The following PHC2 variants were observed in gnomAD, a reference collection of about 807,000 sequenced individuals.
PHC2 encodes polyhomeotic homolog 2.
A neutral mutation model predicts 87.4 loss-of-function variants in PHC2; 29 were observed. The ratio of observed to expected loss-of-function variants is 0.33; its 90% CI spans 0.25 to 0.45. The LOEUF (loss-of-function observed/expected upper bound fraction) is 0.45. PHC2 is among the 20% of genes least tolerant of loss of function. The pLI, the probability that PHC2 is intolerant of heterozygous loss-of-function variation, is 1.00. For missense variants in PHC2, 857 were observed against 1,136.7 expected (o/e 0.75, Z 3.54); for synonymous variants, 438 against 461.7 (o/e 0.95, Z 0.66).
At chr1:33,383,541 G>A (rs1181640623) in intron 1 of PHC2, among the ~76,000 whole-genome samples, 1 of 152,160 alleles carries the variant, frequency 6.6e-6, no homozygotes, top group Non-Finnish European at 1.5e-5. Flanking sequence ...CTATAACAAG[G>A]TGGTGCTGGT....
chr1:33,327,942 T>TG (rs1646405985), intron 14 of PHC2, among the ~76,000 whole-genome samples: 1 of 152,190 alleles, frequency 6.6e-6, no homozygotes, highest in South Asian at 2.1e-4. Flanking sequence ...CCACAGCAAC[T>TG]GTGTAATAAA....
chr1:33,360,597 C>T (rs1243932921), intron 7 of PHC2, among the ~76,000 whole-genome samples: 1 of 152,224 alleles, frequency 6.6e-6, no homozygotes, highest in Non-Finnish European at 1.5e-5. Context: ...AGATTCACTG[C>T]CTTTGCTCAA....
chr1:33,349,837 G>C lies in PHC2; in HGVS notation c.1558+4564C>G. On this transcript the variant is annotated intron_variant, in intron 9 of 14. Transcript: ENST00000683057. The surrounding 1 kb of genome is among the most constrained non-coding windows in gnomAD (Gnocchi z 4.2). ...GGCCGGGGCGGGAGCGCGGGCGGCGGCCGGGGTTGCGCGCGCGCGCGCGGC... is the reference window on the plus strand; with the variant it reads ...GGCCGGGGCGGGAGCGCGGGCGGCGCCCGGGGTTGCGCGCGCGCGCGCGGC... 1.0e-6 allele frequency: 1 copy of C among 976,248 alleles called. No homozygotes were observed. Among genetic ancestry groups the C allele is most frequent in the Non-Finnish European group, 1.2e-6 (1 of 824,706 alleles). 60.5% of individuals were successfully genotyped at this position (976,248 alleles called of 1,614,324 possible).
At chr1:33,408,338 G>C (rs923506080) in intron 1 of PHC2, among the ~76,000 whole-genome samples, 1 of 152,190 alleles carries the variant, frequency 6.6e-6, no homozygotes, top group African/African-American at 2.4e-5. Context: ...ATTTGCACTA[G>C]TTTGCTTCAA....
At chr1:33,415,618 A>G (rs1650172921) in intron 1 of PHC2, among the ~76,000 whole-genome samples, 1 of 152,262 alleles carries the variant, frequency 6.6e-6, no homozygotes. Context: ...CCCATAAAAA[A>G]TTACCAGGCA....
rs1163180087 is a variant in PHC2 at position 33,349,356 on chromosome 1, G to A, written c.1558+5045C>T. 1.0e-6 allele frequency: 1 copy of A among 985,430 alleles called. No homozygotes were observed. The highest frequency in any genetic ancestry group is 1.2e-6 in the Non-Finnish European group (1 of 829,952). 61.0% of individuals were successfully genotyped at this position (985,430 alleles called of 1,614,324 possible). On this transcript the variant is annotated intron_variant, in intron 9 of 14. Coordinates refer to ENST00000683057, the MANE Select transcript of PHC2 (RefSeq NM_001385109.1). This position sits in a 1 kb window ranked among gnomAD's most constrained non-coding sequence, Gnocchi z 4.2. ...CGGGGCCTGGGGACGCGGAAGCTGCGGCGCGCCGAGGTGACACGGCTTCCA... is the reference window on the plus strand; with the variant it reads ...CGGGGCCTGGGGACGCGGAAGCTGCAGCGCGCCGAGGTGACACGGCTTCCA...
chr1:33,414,955 T>C (rs1458464772), intron 1 of PHC2, among the ~76,000 whole-genome samples: 3 of 152,108 alleles, frequency 2.0e-5, no homozygotes, highest in Non-Finnish European at 2.9e-5. Flanking sequence ...ACTAAAAAAA[T>C]TGGACTAAAT....
Position 33,349,538 on chromosome 1 carries a change from G to C in PHC2, c.1558+4863C>G. ...AGGGCGGTGCCCGACTTCCAGTGCGGCGAGCGCGGCCCCCGGCCTCCCTAC... is the reference window on the plus strand; with the variant it reads ...AGGGCGGTGCCCGACTTCCAGTGCGCCGAGCGCGGCCCCCGGCCTCCCTAC... On this transcript the variant is annotated intron_variant, in intron 9 of 14. Transcript: ENST00000683057. The surrounding 1 kb of genome is among the most constrained non-coding windows in gnomAD (Gnocchi z 4.2). The C allele has an allele frequency of 1.0e-6, 1 of 982,830 alleles. No individual in the cohort carries two copies. The highest frequency in any genetic ancestry group is 1.2e-6 in the Non-Finnish European group (1 of 827,790). 60.9% of individuals were successfully genotyped at this position (982,830 alleles called of 1,614,324 possible). A position where few individuals can be genotyped will look rare whatever the true frequency, so the allele number is the denominator to read the frequency against.
rs1647497402 is a variant in PHC2 at position 33,367,111 on chromosome 1, C to A, written c.976+5G>T. ...GAAAGGATTCCTGCTTCCTGAAGAC[C>A]TTACCTGGTGCAATGAGGGGGTGGG... On this transcript the variant is annotated splice_donor_5th_base_variant and intron_variant, in intron 7 of 14. Coordinates refer to ENST00000683057, the MANE Select transcript of PHC2 (RefSeq NM_001385109.1). 6.3e-7 allele frequency: 1 copy of A among 1,599,406 alleles called. No homozygotes were observed. Among genetic ancestry groups the A allele is most frequent in the Non-Finnish European group, 8.5e-7 (1 of 1,169,972 alleles).
At chr1:33,388,688 G>A (rs1038162820) in intron 1 of PHC2, among the ~76,000 whole-genome samples, 4 of 152,124 alleles carry the variant, frequency 2.6e-5, no homozygotes, top group Admixed American at 2.6e-4. Context: ...AAAATACGTA[G>A]AAAGAAAACA....
rs1198788289 is a variant in PHC2 at position 33,332,911 on chromosome 1, C to A, written c.1762-507G>T. ...ATAGCAGGAAAAAACAGACCCTGGG[C>A]CACAGAGCCAATGAACTCTCAGTTG... On this transcript the variant is annotated intron_variant, in intron 10 of 14. Transcript: ENST00000683057. This position sits in a 1 kb window ranked among gnomAD's most constrained non-coding sequence, Gnocchi z 4.2. Among the ~76,000 whole-genome samples, 1 of 152,132 alleles carries A rather than the reference C, an allele frequency of 6.6e-6. No homozygotes were observed. The highest frequency in any genetic ancestry group is 6.5e-5 in the Admixed American group (1 of 15,282).
In PHC2 at chr1:33,334,030, T is replaced by C. The variant is rs1338793232; in HGVS notation, c.1761+60A>G. The C allele has an allele frequency of 7.1e-7, 1 of 1,412,956 alleles. No individual in the cohort carries two copies. The highest frequency in any genetic ancestry group is 9.8e-7 in the Non-Finnish European group (1 of 1,024,032). 87.5% of individuals were successfully genotyped at this position (1,412,956 alleles called of 1,614,324 possible). The stretch of plus-strand genomic sequence containing the variant: ...GAAATTTTACATGGAAATGTAAAAA[T>C]ATTCTAAGACACATCCAAAATATAC... On this transcript the variant is annotated intron_variant, in intron 10 of 14. Transcript: ENST00000683057. The surrounding 1 kb of genome is among the most constrained non-coding windows in gnomAD (Gnocchi z 5.5).
chr1:33,325,144 C>T (rs1413551945), intron 14 of PHC2, 125 bp from the exon 15 acceptor site: 4 of 956,782 alleles, frequency 4.2e-6, no homozygotes, highest in Non-Finnish European at 6.0e-6. Context: ...CTCATAACCA[C>T]GCCTTGAGGA....
At chr1:33,414,179 A>ACACT (rs1557848105) in intron 1 of PHC2, among the ~76,000 whole-genome samples, 4 of 72,368 alleles carry the variant, frequency 5.5e-5, no homozygotes, top group Non-Finnish European at 1.0e-4. Flanking sequence ...TCTCTCTGTC[A>ACACT]CACACACACA....
intron 1 of PHC2, among the ~76,000 whole-genome samples, chr1:33,422,323 T>A (rs1381512696): frequency 2.6e-5 from 4 of 152,096 alleles, no homozygotes; most frequent in Admixed American, 2.6e-4. Flanking sequence ...CATCTTTGAA[T>A]CCCCCCAGCT....
At chr1:33,421,437 T>C (rs953233291) in intron 1 of PHC2, among the ~76,000 whole-genome samples, 5 of 152,134 alleles carry the variant, frequency 3.3e-5, no homozygotes, top group African/African-American at 7.2e-5. Flanking sequence ...AATGGATGCA[T>C]TCTCTACAGG....
chr1:33,330,348 C>T, intron 12 of PHC2, 136 bp from the exon 13 acceptor site: 1 of 887,374 alleles, frequency 1.1e-6, no homozygotes, highest in Non-Finnish European at 1.8e-6. Flanking sequence ...TCACTAACTA[C>T]TAGCTGTGTG....
chr1:33,400,409 G>A (rs899980876), intron 1 of PHC2, among the ~76,000 whole-genome samples: 3 of 152,240 alleles, frequency 2.0e-5, no homozygotes, highest in Non-Finnish European at 4.4e-5. Context: ...AGTACTAGGA[G>A]TAATAATAGC....
At chr1:33,400,168 A>T (rs1276292872) in intron 1 of PHC2, among the ~76,000 whole-genome samples, 1 of 152,252 alleles carries the variant, frequency 6.6e-6, no homozygotes, top group Non-Finnish European at 1.5e-5. Flanking sequence ...GGTGAGTAAT[A>T]TACTTCTTAT....
Sources: allele counts gnomAD v4.1 joint callset (sites outside exome capture counted in the v4.1 genomes callset), GRCh38; gene constraint gnomAD v4.1.1; non-coding constraint Gnocchi (gnomAD v3.1); transcripts MANE v1.5; gene names NCBI Gene and HGNC (gene_info 2026-07-23, HGNC 2026-07-21).